MSH6: variants seen among roughly 807,000 people sequenced by gnomAD.
MSH6 encodes the protein DNA mismatch repair protein Msh6.
Under a neutral mutation model 119.1 loss-of-function variants are expected in MSH6, and 85 were observed. The observed-to-expected ratio is 0.71, with a 90% CI of 0.60 to 0.85. The LOEUF (loss-of-function observed/expected upper bound fraction) is 0.85, where lower values mean the gene tolerates loss of function less well. MSH6 is among the 40% of genes least tolerant of loss of function. The pLI, the probability that MSH6 is intolerant of heterozygous loss-of-function variation, is 0.00. For missense variants in MSH6, 2,163 were observed against 1,655.3 expected (o/e 1.31, Z -5.32); for synonymous variants, 830 against 586.9 (o/e 1.41, Z -5.99).
rs569367018 is a variant in MSH6 at position 47,806,922 on chromosome 2, A to G, written c.*62A>G. On this transcript the variant is annotated 3_prime_UTR_variant, in exon 10 of 10. Coordinates refer to ENST00000234420, the MANE Select transcript of MSH6 (RefSeq NM_000179.3). ...AAAGGTGGTAAATTCAGACAACATT[A>G]TGATCTAATAAACTTTATTTTTTAA... The G allele has an allele frequency of 8.3e-7, 1 of 1,204,932 alleles. No individual in the cohort carries two copies. Among genetic ancestry groups the G allele is most frequent in the African/African-American group, 1.5e-5 (1 of 66,556 alleles). 74.6% of individuals were successfully genotyped at this position (1,204,932 alleles called of 1,614,324 possible). A position where few individuals can be genotyped will look rare whatever the true frequency, so the allele number is the denominator to read the frequency against.
intron 1 of MSH6, chr2:47,789,275 G>A: frequency 2.9e-6 from 1 of 343,160 alleles, no homozygotes; most frequent in Non-Finnish European, 5.9e-6. Flanking sequence ...TTCTGTAAGT[G>A]TAATGGTATA....
At chr2:47,809,813 ACCCTC>A, downstream of MSH6, 8 of 693,698 alleles carry the variant, frequency 1.2e-5, no homozygotes, top group Non-Finnish European at 1.7e-5. Context: ...AAGTACATTA[ACCCTC>A]TTAATGTCTA....
At position 47,798,895 on chromosome 2, in the gene MSH6, G is replaced by A. The variant is rs1182172629; in HGVS notation, c.912G>A (p.Val304=). ...TTGCTCGAAAGCGGAAGAGAATGGT[G>A]ACTGGAAATGGCTCTCTTAAAAGGA... is the stretch of plus-strand genomic sequence containing the variant. ...VKVARKRKRM[V]TGNGSLKRKS... The change falls in exon 4 of 10, where the codon GTG becomes GTA. Residue 304 remains valine, a synonymous_variant. Coordinates refer to ENST00000234420, the MANE Select transcript of MSH6 (RefSeq NM_000179.3). 2 of 1,614,162 alleles carry A rather than the reference G, an allele frequency of 1.2e-6. No individual in the cohort carries two copies. The highest frequency in any genetic ancestry group is 1.7e-6 in the Non-Finnish European group (2 of 1,180,032).
rs1558651835 is a variant in MSH6 at position 47,790,921 on chromosome 2, C to G, written c.261-6C>G. On this transcript the variant is annotated splice_region_variant and splice_polypyrimidine_tract_variant and intron_variant, in intron 1 of 9. Transcript: ENST00000234420. ...AACTAAGTTATGTATTTCCTTTTGG[C>G]AACAGTTGTGACTTCTCACCAGGAG... 6.2e-7 allele frequency: 1 copy of G among 1,613,982 alleles called. No individual in the cohort carries two copies. The highest frequency in any genetic ancestry group is 1.3e-5 in the African/African-American group (1 of 75,060).
At chr2:47,801,248 A>G in intron 4 of MSH6, 93 bp downstream of exon 4, 3 of 1,342,830 alleles carry the variant, frequency 2.2e-6, no homozygotes, top group Admixed American at 1.8e-5. Context: ...TAAGGTATAT[A>G]TGGTACATAT....
rs3136283 is a variant in MSH6, at chr2:47,791,340, G to T, written c.457+217G>T. On this transcript the variant is annotated intron_variant, in intron 2 of 9. Transcript: ENST00000234420. ...TTTGTGGAATGGAATTTTTATTTCT[G>T]TCCTTTGAGTGACTTACAGCAATAT... Among the ~76,000 whole-genome samples, 18,665 of 152,160 alleles carry T rather than the reference G, an allele frequency of 0.12. 1,522 individuals carry two copies. The highest frequency in any genetic ancestry group is 0.18 in the Non-Finnish European group (12,556 of 67,986).
chr2:47,784,303 C>G (rs1339853542), intron 1 of MSH6: 6 of 919,760 alleles, frequency 6.5e-6, no homozygotes, highest in African/African-American at 1.8e-5. Flanking sequence ...AAATTCGTGT[C>G]GAGTGGAAAA....
chr2:47,785,641 C>A (rs1668306108), intron 1 of MSH6, among the ~76,000 whole-genome samples: 2 of 152,198 alleles, frequency 1.3e-5, no homozygotes, highest in Admixed American at 1.3e-4. Flanking sequence ...GCGACCCTTT[C>A]CCGCAGTTTA....
intron 1 of MSH6, among the ~76,000 whole-genome samples, chr2:47,789,654 C>G (rs887263893): frequency 1.3e-5 from 2 of 152,112 alleles, no homozygotes; most frequent in Non-Finnish European, 2.9e-5. Context: ...TTGCAGGACC[C>G]CCCTGTGAAT....
downstream of MSH6, chr2:47,809,144 T>C: frequency 1.4e-6 from 2 of 1,449,954 alleles, no homozygotes; most frequent in Non-Finnish European, 1.9e-6. Context: ...GACTCAAATA[T>C]ATTTCTAAGT....
intron 1 of MSH6, chr2:47,784,917 C>G (rs932868545): frequency 6.6e-6 from 1 of 151,904 alleles, no homozygotes; most frequent in African/African-American, 2.4e-5. Context: ...ACCTCTGTCT[C>G]TGGATCAAGA....
intron 6 of MSH6, 126 bp from the exon 7 acceptor site, chr2:47,805,492 C>T: frequency 1.3e-6 from 1 of 764,490 alleles, no homozygotes; most frequent in Non-Finnish European, 2.3e-6. Flanking sequence ...ATTGCATAGT[C>T]TCTTAATGAG....
rs139026662 is a variant in MSH6 at position 47,800,908 on chromosome 2, C to T, written c.2925C>T (p.Asn975=). The T allele has an allele frequency of 2.7e-5, 43 of 1,584,214 alleles. No homozygotes were observed. The African/African-American group carries it at 5.5e-4, about 20-fold the overall frequency. Reference sequence around the variant, plus strand: ...TAGTCTATTGGGGGATTGGTAGGAACCGTTACCAGCTGGAAATTCCTGAGA... The same window carrying T: ...TAGTCTATTGGGGGATTGGTAGGAATCGTTACCAGCTGGAAATTCCTGAGA... ...RTIVYWGIGR[N]RYQLEIPENF... is the part of the protein sequence containing the mutation. The change falls in exon 4 of 10, where the codon AAC becomes AAT. Residue 975 remains asparagine, a synonymous_variant. Coordinates refer to ENST00000234420, the MANE Select transcript of MSH6 (RefSeq NM_000179.3).
chr2:47,798,423 T>C lies in MSH6; in HGVS notation c.628-188T>C, dbSNP rs41558316. On this transcript the variant is annotated intron_variant, in intron 3 of 9. Transcript: ENST00000234420. ...TAGCCTAAAGTTGGGCAAGATCATC[T>C]AACACAAAGCCTATTTTATAATAAG... Among the ~76,000 whole-genome samples, 2,001 of 152,326 alleles carry C rather than the reference T, an allele frequency of 0.013. 33 individuals are homozygous for C. The highest frequency in any genetic ancestry group is 0.043 in the African/African-American group (1,802 of 41,558).
At chr2:47,804,268 G>C (rs1572737050) in intron 5 of MSH6, among the ~76,000 whole-genome samples, 1 of 152,024 alleles carries the variant, frequency 6.6e-6, no homozygotes, top group South Asian at 2.1e-4. Context: ...ACACCATCAT[G>C]CCTAGCTCAT....
rs371568610 is a variant in MSH6 at position 47,803,502 on chromosome 2, C to T, written c.3255C>T (p.Thr1085=). ...CAGTAATTCTGTTGCCGGAAGATAC[C>T]CCCCCCTTCTTAGAGCTTAAAGGAT... ...CRPVILLPED[T]PPFLELKGSR... The change falls in exon 5 of 10, where the codon ACC becomes ACT. Residue 1085 remains threonine, a synonymous_variant. Transcript: ENST00000234420. 2 of 1,613,796 alleles carry T rather than the reference C, an allele frequency of 1.2e-6. No homozygotes were observed. The highest frequency in any genetic ancestry group is 8.5e-7 in the Non-Finnish European group (1 of 1,179,910).
chr2:47,797,676 C>T (rs1169724262), intron 3 of MSH6: 1 of 152,340 alleles, frequency 6.6e-6, no homozygotes, highest in Non-Finnish European at 1.5e-5. Context: ...CACCATGTTG[C>T]CGAGCTGGCC....
Position 47,800,044 on chromosome 2 carries a change from T to C in MSH6, c.2061T>C (p.Cys687=), listed in dbSNP as rs267608068. Residue 687 remains cysteine, a synonymous_variant, in exon 4 of 10, where the codon TGT becomes TGC. Coordinates refer to ENST00000234420, the MANE Select transcript of MSH6 (RefSeq NM_000179.3). ...SELALSALGG[C]VFYLKKCLID... ...TGGCCCTCTCTGCTCTAGGTGGTTGTGTCTTCTACCTCAAAAAATGCCTTA... is the reference window on the plus strand; with the variant it reads ...TGGCCCTCTCTGCTCTAGGTGGTTGCGTCTTCTACCTCAAAAAATGCCTTA... 1 of 1,614,144 alleles carries C rather than the reference T, an allele frequency of 6.2e-7. No individual in the cohort carries two copies. The highest frequency in any genetic ancestry group is 8.5e-7 in the Non-Finnish European group (1 of 1,180,020).
chr2:47,807,777 T>C (rs538078188), downstream of MSH6: 50 of 255,004 alleles, frequency 2.0e-4, no homozygotes, highest in Middle Eastern at 2.4e-3. Flanking sequence ...TGCTTGTCTA[T>C]TGAAGATTAC....
Sources: gnomAD v4.1 joint callset for allele counts (sites outside exome capture counted in the v4.1 genomes callset) on GRCh38, gnomAD v4.1.1 for gene constraint, MANE v1.5 for transcripts, NCBI Gene and HGNC (gene_info 2026-07-23, HGNC 2026-07-21) for gene names.